The following MAPKBP1 variants were observed in gnomAD, a reference collection of about 807,000 sequenced individuals.
MAPKBP1 encodes mitogen-activated protein kinase binding protein 1.
In MAPKBP1, 71 loss-of-function variants were observed where a neutral mutation model predicts 170.5. That is an observed-to-expected ratio of 0.42 (90% CI 0.34 to 0.51). The LOEUF is 0.51. MAPKBP1 is among the 20% of genes least tolerant of loss of function. The probability of loss-of-function intolerance (pLI) is 0.06; values close to 1 mark genes in which losing one functional copy is unlikely to be tolerated. For synonymous variants in MAPKBP1, 719 were observed against 757.9 expected (o/e 0.95, Z 0.84); for missense variants, 1,598 against 1,933.0 (o/e 0.83, Z 3.25).
chr15:41,818,087 A>G lies in MAPKBP1; in HGVS notation c.1980+3A>G. The G allele has an allele frequency of 1.2e-6, 2 of 1,614,034 alleles. No homozygotes were observed. The highest frequency in any genetic ancestry group is 2.7e-5 in the African/African-American group (2 of 75,004). On this transcript the variant is annotated splice_donor_region_variant and intron_variant, in intron 17 of 30. Transcript: ENST00000457542. The surrounding 1 kb of genome is among the most constrained non-coding windows in gnomAD (Gnocchi z 5.2). ...GTGAGGACGGCACACTCATTAAGGTAAGGACCCAGAGGGGGTACTGGACAG... is the reference window on the plus strand; with the variant it reads ...GTGAGGACGGCACACTCATTAAGGTGAGGACCCAGAGGGGGTACTGGACAG...
At chr15:41,800,655 TC>T (rs2064575952) in intron 3 of MAPKBP1, among the ~76,000 whole-genome samples, 1 of 149,838 alleles carries the variant, frequency 6.7e-6, no homozygotes, top group Admixed American at 6.7e-5. Context: ...CAGTCACTTT[TC>T]ATTCCCACCC....
chr15:41,815,412 C>T lies in MAPKBP1; in HGVS notation c.1317+7C>T, dbSNP rs200746378. 27 of 1,613,846 alleles carry T rather than the reference C, an allele frequency of 1.7e-5. No homozygotes were observed. The highest frequency in any genetic ancestry group is 2.0e-5 in the Non-Finnish European group (24 of 1,179,812). Reference sequence around the variant, plus strand: ...CCGAAACATCCTCAGCAGTGTGAGCCCTGAGGCTGTGGGGCCCCGCTTCAC... The same window carrying T: ...CCGAAACATCCTCAGCAGTGTGAGCTCTGAGGCTGTGGGGCCCCGCTTCAC... On this transcript the variant is annotated splice_region_variant and intron_variant, in intron 11 of 30. Transcript: ENST00000457542.
chr15:41,823,170 C>T lies in MAPKBP1; in HGVS notation c.3546C>T (p.Ser1182=). 6.2e-7 allele frequency: 1 copy of T among 1,613,670 alleles called. No homozygotes were observed. ...SWAPKRVATA[S]PFSGLQKAQS... ...CTCCCAAGAGAGTGGCCACAGCCAG[C>T]CCCTTTTCTGGACTCCAGAAGGCCC... Residue 1182 remains serine, a synonymous_variant, in exon 28 of 31, where the codon AGC becomes AGT. Transcript: ENST00000457542.
Position 41,818,806 on chromosome 15 carries a change from G to C in MAPKBP1, c.2157-17G>C, listed in dbSNP as rs771744064. The C allele has an allele frequency of 6.2e-7, 1 of 1,612,564 alleles. No homozygotes were observed. Among genetic ancestry groups the C allele is most frequent in the Non-Finnish European group, 8.5e-7 (1 of 1,178,646 alleles). Reference sequence around the variant, plus strand: ...CTACCTGCCCCTCCTTCAGCCAACTGTGTGGCTTTACCCCAGCTGCATATT... The same window carrying C: ...CTACCTGCCCCTCCTTCAGCCAACTCTGTGGCTTTACCCCAGCTGCATATT... On this transcript the variant is annotated splice_polypyrimidine_tract_variant and intron_variant, in intron 19 of 30. Transcript: ENST00000457542. The surrounding 1 kb of genome is among the most constrained non-coding windows in gnomAD (Gnocchi z 5.2).
chr15:41,783,680 C>T (rs1293845189), intron 2 of MAPKBP1, among the ~76,000 whole-genome samples: 3 of 152,194 alleles, frequency 2.0e-5, no homozygotes, highest in Admixed American at 6.5e-5. Context: ...TGGAGAACAG[C>T]CCATAGGCAG....
intron 1 of MAPKBP1, chr15:41,774,936 C>A: frequency 2.1e-6 from 1 of 481,514 alleles, no homozygotes; most frequent in Non-Finnish European, 3.6e-6. Flanking sequence ...CCATCCCATC[C>A]ATCTCGCCAG....
intron 5 of MAPKBP1, 170 bp from the exon 6 acceptor site, chr15:41,811,787 T>A (rs1403772319): frequency 2.7e-6 from 2 of 739,844 alleles, no homozygotes; most frequent in African/African-American, 3.5e-5. Context: ...GTAATCACTG[T>A]TGCCCTCAGA....
At chr15:41,790,398 A>G (rs1042434962) in intron 2 of MAPKBP1, among the ~76,000 whole-genome samples, 1 of 152,108 alleles carries the variant, frequency 6.6e-6, no homozygotes, top group Admixed American at 6.6e-5. Flanking sequence ...GTGGGGATAG[A>G]GTAGGGACTG....
At chr15:41,805,941 T>A (rs975275783) in intron 3 of MAPKBP1, among the ~76,000 whole-genome samples, 2 of 152,170 alleles carry the variant, frequency 1.3e-5, no homozygotes, top group African/African-American at 2.4e-5. Context: ...CCTAAATGCC[T>A]GAGGTACAGG....
In MAPKBP1 at chr15:41,799,894, T is replaced by A; in HGVS notation, c.186T>A (p.Gly62=). The change falls in exon 3 of 31, where the codon GGT becomes GGA. Residue 62 remains glycine (G), a synonymous_variant. Coordinates refer to ENST00000457542, the MANE Select transcript of MAPKBP1 (RefSeq NM_014994.3). ...GRGLACDPRS[G]LVAYPAGCVV... is the part of the protein sequence containing the mutation. ...GACTTGCCTGTGACCCCCGATCAGG[T>A]TTAGTTGCTTACCCAGCAGGGTAAG... The A allele has an allele frequency of 6.2e-7, 1 of 1,614,046 alleles. No individual in the cohort carries two copies. The highest frequency in any genetic ancestry group is 8.5e-7 in the Non-Finnish European group (1 of 1,179,980).
chr15:41,786,602 A>C (rs2064294533), intron 2 of MAPKBP1, among the ~76,000 whole-genome samples: 1 of 150,540 alleles, frequency 6.6e-6, no homozygotes, highest in African/African-American at 2.5e-5. Context: ...GTCTCTACTA[A>C]AAATACAAAA....
chr15:41,794,491 C>G (rs901389242), intron 2 of MAPKBP1, among the ~76,000 whole-genome samples: 6 of 152,126 alleles, frequency 3.9e-5, no homozygotes, highest in African/African-American at 1.4e-4. Flanking sequence ...TGCCTACCAT[C>G]AGCTTAAGAA....
At chr15:41,784,972 CGT>C (rs1567134472) in intron 2 of MAPKBP1, among the ~76,000 whole-genome samples, 1 of 150,670 alleles carries the variant, frequency 6.6e-6, no homozygotes, top group Non-Finnish European at 1.5e-5. Context: ...GGAGGCATGA[CGT>C]GGGAGAATTG....
chr15:41,791,668 G>A (rs2064397975), intron 2 of MAPKBP1, among the ~76,000 whole-genome samples: 1 of 152,182 alleles, frequency 6.6e-6, no homozygotes, highest in African/African-American at 2.4e-5. Flanking sequence ...TGTTGAGGAT[G>A]GCTCTGGACT....
intron 22 of MAPKBP1, among the ~76,000 whole-genome samples, chr15:41,820,043 G>C (rs1210364245): frequency 2.6e-5 from 4 of 152,208 alleles, no homozygotes; most frequent in African/African-American, 9.7e-5. Flanking sequence ...CCAAAGAGCG[G>C]AGATCTGGAG....
rs1596081702 is a variant in MAPKBP1 at position 41,806,519 on chromosome 15, A to G, written c.207-4364A>G. Among the ~76,000 whole-genome samples the G allele has an allele frequency of 2.6e-5, 4 of 152,316 alleles. No individual in the cohort carries two copies. The South Asian group carries it at 8.3e-4, about 32-fold the overall frequency. ...ATCCTGGGCTCTTTGTGGTAGCAGC[A>G]GGCCTGGACCTGTGTAGGGAAGGGG... is the stretch of plus-strand genomic sequence containing the variant. On this transcript the variant is annotated intron_variant, in intron 3 of 30. Transcript: ENST00000457542.
intron 2 of MAPKBP1, among the ~76,000 whole-genome samples, chr15:41,790,815 G>A (rs2152071199): frequency 6.6e-6 from 1 of 152,262 alleles, no homozygotes; most frequent in East Asian, 1.9e-4. Flanking sequence ...ATGGCACTTT[G>A]AACTTTGAAG....
At chr15:41,796,205 GC>G (rs1199499643) in intron 2 of MAPKBP1, among the ~76,000 whole-genome samples, 1 of 152,172 alleles carries the variant, frequency 6.6e-6, no homozygotes, top group Non-Finnish European at 1.5e-5. Flanking sequence ...TGCCCAGTCA[GC>G]ATTCTTGAGT....
At position 41,818,195 on chromosome 15, in the gene MAPKBP1, T is replaced by A; in HGVS notation, c.1982T>A (p.Val661Glu). Residue 661 changes from valine (V) to glutamate (E), a missense_variant and splice_region_variant, in exon 18 of 31, where the codon GTG (valine) becomes GAG (glutamate). Val to Glu is a moderately radical substitution (Grantham distance 121). This residue lies in a region of MAPKBP1 where 430 missense variants were observed against 617.2 expected (regional missense o/e 0.70). Transcript: ENST00000457542. The surrounding 1 kb of genome is among the most constrained non-coding windows in gnomAD (Gnocchi z 5.2). Reference protein sequence around the residue: ...SQGEDGTLIKVQTDPSGIYIA... With the variant: ...SQGEDGTLIKEQTDPSGIYIA... ...GCTGCACACCCTGCTACTCCTCAGGTGCAGACAGACCCCTCAGGGATCTAC... is the reference window on the plus strand; with the variant it reads ...GCTGCACACCCTGCTACTCCTCAGGAGCAGACAGACCCCTCAGGGATCTAC... 1 of 1,613,368 alleles carries A rather than the reference T, an allele frequency of 6.2e-7. No individual in the cohort carries two copies. The highest frequency in any genetic ancestry group is 8.5e-7 in the Non-Finnish European group (1 of 1,179,394).
Sources: allele counts gnomAD v4.1 joint callset (sites outside exome capture counted in the v4.1 genomes callset), GRCh38; gene constraint gnomAD v4.1.1; regional missense constraint gnomAD v4.1.1; non-coding constraint Gnocchi (gnomAD v3.1); transcripts MANE v1.5; gene names NCBI Gene and HGNC (gene_info 2026-07-23, HGNC 2026-07-21).